The following MROH2A variants were observed in gnomAD, a reference collection of about 807,000 sequenced individuals.
MROH2A encodes the protein maestro heat-like repeat-containing protein family member 2A.
Under a neutral mutation model 200.4 loss-of-function variants are expected in MROH2A, and 174 were observed. That is an observed-to-expected ratio of 0.87 (90% confidence interval 0.77 to 0.98). The LOEUF is 0.98. Among genes scored for constraint, MROH2A ranks in the 50% least tolerant of loss-of-function variants. MROH2A has a pLI of 0.00. For synonymous variants in MROH2A, 829 were observed against 840.4 expected (o/e 0.99, Z 0.23); for missense variants, 2,045 against 2,139.6 (o/e 0.96, Z 0.87).
rs778134626 is a variant in MROH2A at position 233,822,372 on chromosome 2, A to G, written c.3682A>G (p.Thr1228Ala). The change falls in exon 33 of 42, where the codon ACC becomes GCC. Residue 1228 changes from threonine (T) to alanine (A), a missense_variant. This residue lies in a region of MROH2A where 1,201 missense variants were observed against 1,311.3 expected (regional missense o/e 0.92). Transcript: ENST00000389758. ...AAVDPLMTLC[T>A]IHLLIQKLDE... ...GACCTTCTCTCTGCAGACCCTGTGC[A>G]CCATCCACCTTCTCATTCAGAAGCT... 4.5e-6 allele frequency: 7 copies of G among 1,550,838 alleles called. No individual in the cohort carries two copies. The South Asian group carries it at 5.9e-5, about 13-fold the overall frequency.
intron 3 of MROH2A, among the ~76,000 whole-genome samples, chr2:233,788,691 A>T (rs867275517): frequency 6.6e-6 from 1 of 151,448 alleles, no homozygotes; most frequent in African/African-American, 2.4e-5. Context: ...TAATCCCAGC[A>T]CTTTGGGAGG....
intron 19 of MROH2A, among the ~76,000 whole-genome samples, chr2:233,805,886 A>G (rs539510616): frequency 5.3e-5 from 8 of 152,342 alleles, no homozygotes; most frequent in African/African-American, 7.2e-5. Flanking sequence ...ATGAAATTGG[A>G]TATCTTCCTC....
chr2:233,805,254 A>T (rs1702721319), intron 19 of MROH2A, 143 bp downstream of exon 19: 1 of 546,692 alleles, frequency 1.8e-6, no homozygotes, highest in African/African-American at 1.9e-5. Context: ...CGTGGTCTGG[A>T]TTGGTGGTTT....
At position 233,779,248 on chromosome 2, in the gene MROH2A, C is replaced by T. The variant is rs989521112; in HGVS notation, c.-14-97C>T. 5 of 753,054 alleles carry T rather than the reference C, an allele frequency of 6.6e-6. No individual in the cohort carries two copies. In the Admixed American group the frequency reaches 1.1e-4, roughly 17 times the overall value. 46.6% of individuals were successfully genotyped at this position (753,054 alleles called of 1,614,324 possible). On this transcript the variant is annotated intron_variant, in intron 1 of 41. Coordinates refer to ENST00000389758, the MANE Select transcript of MROH2A (RefSeq NM_001394639.1). ...AAGTCACAGGTTCCACCCACACACC[C>T]TCAAGGGGATGGCTTTATGGAAGGG...
chr2:233,788,118 A>G (rs1320751445), intron 3 of MROH2A, among the ~76,000 whole-genome samples: 1 of 110,328 alleles, frequency 9.1e-6, no homozygotes, highest in Admixed American at 1.4e-4. Context: ...TATATATTAT[A>G]TATACATATA....
chr2:233,779,550 A>C, intron 2 of MROH2A, 98 bp downstream of exon 2: 1 of 1,383,634 alleles, frequency 7.2e-7, no homozygotes, highest in South Asian at 1.3e-5. Flanking sequence ...CCATCTGCAC[A>C]GTGGACATCA....
rs1702862632 is a variant in MROH2A, at chr2:233,807,309, A to G, written c.2053-114A>G. 8.5e-7 allele frequency: 1 copy of G among 1,172,278 alleles called. No homozygotes were observed. The highest frequency in any genetic ancestry group is 1.5e-5 in the African/African-American group (1 of 64,628). The allele number at this position is 1,172,278 out of a possible 1,614,324, so 72.6% of individuals were successfully genotyped here. A position where few individuals can be genotyped will look rare whatever the true frequency, so the allele number is the denominator to read the frequency against. On this transcript the variant is annotated intron_variant, in intron 19 of 41. Transcript: ENST00000389758. This position sits in a 1 kb window ranked among gnomAD's most constrained non-coding sequence, Gnocchi z 4.3. The stretch of plus-strand genomic sequence containing the variant: ...TGCTGCTGTAAACGTGTGTGCAAGT[A>G]TCTTCTGCACATTAAAATAAATTGA...
chr2:233,784,865 G>A (rs1441817169), intron 3 of MROH2A, among the ~76,000 whole-genome samples: 3 of 152,170 alleles, frequency 2.0e-5, no homozygotes, highest in African/African-American at 7.2e-5. Flanking sequence ...TTTAAAAAAT[G>A]TAGGCCAGGC....
chr2:233,823,577 G>C lies in MROH2A; in HGVS notation c.4026G>C (p.Glu1342Asp), dbSNP rs954650766. The C allele has an allele frequency of 6.5e-7, 1 of 1,550,218 alleles. No individual in the cohort carries two copies. Among genetic ancestry groups the C allele is most frequent in the African/African-American group, 1.4e-5 (1 of 73,048 alleles). Residue 1342 changes from glutamate (E) to aspartate (D), a missense_variant, in exon 35 of 42, where the codon GAG (glutamate) becomes GAC (aspartate). By Grantham distance (45) the Glu-to-Asp change is conservative. This residue lies in a region of MROH2A where 1,201 missense variants were observed against 1,311.3 expected (regional missense o/e 0.92). Coordinates refer to ENST00000389758, the MANE Select transcript of MROH2A (RefSeq NM_001394639.1). ...LLARLCMQHV[E>D]GHRQRLAELV... ...GCAGGCTGTGCATGCAGCACGTGGA[G>C]GGCCACAGGCAGAGGCTGGCCGAGC...
chr2:233,818,300 C>G (rs979895021), intron 28 of MROH2A, among the ~76,000 whole-genome samples, 175 bp downstream of exon 28: 1 of 152,178 alleles, frequency 6.6e-6, no homozygotes, highest in Non-Finnish European at 1.5e-5. Context: ...ACCAACAGGC[C>G]ATGGAAGCTT....
At chr2:233,792,123 G>C (rs1322872072) in intron 5 of MROH2A, among the ~76,000 whole-genome samples, 1 of 152,054 alleles carries the variant, frequency 6.6e-6, no homozygotes, top group Non-Finnish European at 1.5e-5. Flanking sequence ...AAGGAGGCTG[G>C]CCTGTGTCCG....
rs766177844 is a variant in MROH2A at position 233,787,585 on chromosome 2, A to AT, written c.277-1912_277-1911insT. Reference sequence around the variant, plus strand: ...CATATATATTATATATATCATATATACATATATATATTATATATTATATAT... The same window carrying AT: ...CATATATATTATATATATCATATATATCATATATATATTATATATTATATAT... On this transcript the variant is annotated intron_variant, in intron 3 of 41. Transcript: ENST00000389758. Among the ~76,000 whole-genome samples, 6 of 36,246 alleles carry AT rather than the reference A, an allele frequency of 1.7e-4. 1 individual carries two copies. Among genetic ancestry groups the AT allele is most frequent in the East Asian group, 1.1e-3 (1 of 888 alleles). 23.8% of individuals were successfully genotyped at this position (36,246 alleles called of 152,430 possible).
chr2:233,814,605 C>G lies in MROH2A; in HGVS notation c.2784C>G (p.Ser928Arg). Residue 928 changes from serine (S) to arginine (R), a missense_variant, in exon 26 of 42, where the codon AGC becomes AGG. Ser to Arg is a moderately radical substitution (Grantham distance 110). This residue lies in a region of MROH2A where 1,201 missense variants were observed against 1,311.3 expected (regional missense o/e 0.92). Coordinates refer to ENST00000389758, the MANE Select transcript of MROH2A (RefSeq NM_001394639.1). ...SIKTLYANAL[S>R]SLEQLMESLL... ...AGACCCTGTATGCAAATGCCCTGAG[C>G]TCCCTGGAGCAGCTGATGGAGAGCC... The G allele has an allele frequency of 6.4e-7, 1 of 1,550,422 alleles. No individual in the cohort carries two copies. The highest frequency in any genetic ancestry group is 8.7e-7 in the Non-Finnish European group (1 of 1,146,906).
rs767746376 is a variant in MROH2A at position 233,819,480 on chromosome 2, C to A, written c.3357+11C>A. Reference sequence around the variant, plus strand: ...GAGCTGGAGGACAAGGTGGCAGAGCCGCGGCAGGGCCACCAGAGAGAGGGG... The same window carrying A: ...GAGCTGGAGGACAAGGTGGCAGAGCAGCGGCAGGGCCACCAGAGAGAGGGG... On this transcript the variant is annotated intron_variant, in intron 30 of 41. Coordinates refer to ENST00000389758, the MANE Select transcript of MROH2A (RefSeq NM_001394639.1). 1.3e-6 allele frequency: 2 copies of A among 1,548,648 alleles called. No individual in the cohort carries two copies. Among genetic ancestry groups the A allele is most frequent in the Admixed American group, 3.9e-5 (2 of 50,932 alleles).
chr2:233,789,863 T>C lies in MROH2A; in HGVS notation c.420T>C (p.Tyr140=). 6.5e-7 allele frequency: 1 copy of C among 1,549,932 alleles called. No individual in the cohort carries two copies. Among genetic ancestry groups the C allele is most frequent in the Non-Finnish European group, 8.7e-7 (1 of 1,146,704 alleles). ...EMREIPEMEG[Y]MKAEVASDTL... is the part of the protein sequence containing the mutation. ...TCTGTCTCCTGCAGATGGAGGGCTA[T>C]ATGAAGGCAGAGGTGGCCAGCGACA... The change falls in exon 5 of 42, where the codon TAT becomes TAC. Residue 140 remains tyrosine, a synonymous_variant. Transcript: ENST00000389758.
chr2:233,809,033 A>G, intron 21 of MROH2A, 93 bp from the exon 22 acceptor site: 5 of 1,413,518 alleles, frequency 3.5e-6, no homozygotes, highest in Non-Finnish European at 4.8e-6. Flanking sequence ...AGCTGACTCA[A>G]TGGATCCTTT....
At chr2:233,781,061 C>T (rs1373618927) in intron 3 of MROH2A, among the ~76,000 whole-genome samples, 2 of 152,130 alleles carry the variant, frequency 1.3e-5, no homozygotes, top group Non-Finnish European at 2.9e-5. Context: ...CGGTAAATGA[C>T]AGGGTTTCTT....
Position 233,809,291 on chromosome 2 carries a change from G to A in MROH2A, c.2448+13G>A. On this transcript the variant is annotated intron_variant, in intron 22 of 41. Transcript: ENST00000389758. ...CAGCAGCTGCCAGGTAGCCCCATCT[G>A]CTGCCTGGGGGGATGTCTTCTGGAC... 1 of 1,547,758 alleles carries A rather than the reference G, an allele frequency of 6.5e-7. No homozygotes were observed. Among genetic ancestry groups the A allele is most frequent in the Non-Finnish European group, 8.7e-7 (1 of 1,144,652 alleles).
At chr2:233,823,470 C>A in intron 34 of MROH2A, 86 bp from the exon 35 acceptor site, 1 of 1,460,654 alleles carries the variant, frequency 6.8e-7, no homozygotes, top group Non-Finnish European at 9.2e-7. Flanking sequence ...AGGGTCCAGG[C>A]ACCGATGTGG....
Sources: allele counts gnomAD v4.1 joint callset (sites outside exome capture counted in the v4.1 genomes callset), GRCh38; gene constraint gnomAD v4.1.1; regional missense constraint gnomAD v4.1.1; non-coding constraint Gnocchi (gnomAD v3.1); transcripts MANE v1.5; gene names NCBI Gene and HGNC (gene_info 2026-07-23, HGNC 2026-07-21).